The following ROBO2 variants were observed in gnomAD, a reference collection of about 807,000 sequenced individuals.
ROBO2 encodes the protein roundabout homolog 2.
A neutral mutation model predicts 160.8 loss-of-function variants in ROBO2; 53 were observed. The ratio of observed to expected loss-of-function variants is 0.33; its 90% CI spans 0.26 to 0.41. The LOEUF is 0.41. ROBO2 is among the 10% of genes least tolerant of loss of function. The pLI, the probability that ROBO2 is intolerant of heterozygous loss-of-function variation, is 1.00. For missense variants in ROBO2, 1,577 were observed against 1,722.4 expected (o/e 0.92, Z 1.49); for synonymous variants, 664 against 611.7 (o/e 1.09, Z -1.26).
At chr3:76,623,284 C>T (rs2089361228) in intron 2 of ROBO2, among the ~76,000 whole-genome samples, 1 of 152,126 alleles carries the variant, frequency 6.6e-6, no homozygotes, top group Non-Finnish European at 1.5e-5. Flanking sequence ...GAAGAGCTAT[C>T]TTGCCAATGT....
At chr3:75,983,460 T>C (rs2065332713) in intron 2 of ROBO2, among the ~76,000 whole-genome samples, 1 of 151,432 alleles carries the variant, frequency 6.6e-6, no homozygotes, top group Admixed American at 6.6e-5. Flanking sequence ...TTATGTGGTG[T>C]ACGTTTCTCT....
rs538234621 is a variant in ROBO2, at chr3:76,360,708, C to T, written c.109+423106C>T. 9.9e-5 allele frequency among the ~76,000 whole-genome samples: 15 copies of T among 152,100 alleles called. No homozygotes were observed. In the East Asian group the frequency reaches 1.9e-3, roughly 20 times the overall value. The stretch of plus-strand genomic sequence containing the variant: ...AGTCATATGATCTAGTTCTGGTCAA[C>T]GGGATATCGTTAGATGTCATTCGGT... On this transcript the variant is annotated intron_variant, in intron 2 of 26. Coordinates refer to the ROBO2 transcript ENST00000487694.
chr3:77,483,533 C>T (rs894057872), intron 4 of ROBO2, among the ~76,000 whole-genome samples: 9 of 151,572 alleles, frequency 5.9e-5, no homozygotes, highest in African/African-American at 2.2e-4. Context: ...ACTTCATACT[C>T]TACCTCCCTC....
rs570224894 is a variant in ROBO2, at chr3:76,762,953, C to A, written c.110-335061C>A. On this transcript the variant is annotated intron_variant, in intron 2 of 26. Transcript: ENST00000487694. ...ATTGTTCACGATGCCTGCTTGAAAT[C>A]CTTCATGTTACAATTTACAATATAA... 6.6e-5 allele frequency among the ~76,000 whole-genome samples: 10 copies of A among 151,772 alleles called. No homozygotes were observed. The South Asian group carries it at 1.9e-3, about 28-fold the overall frequency.
chr3:77,001,791 C>CT (rs975824234), intron 2 of ROBO2, among the ~76,000 whole-genome samples: 2 of 147,844 alleles, frequency 1.4e-5, no homozygotes, highest in Non-Finnish European at 3.0e-5. Context: ...TGAAGTTGTT[C>CT]TTTTATTTTT....
intron 1 of ROBO2, among the ~76,000 whole-genome samples, chr3:75,927,222 A>T (rs995494445): frequency 1.3e-5 from 2 of 152,176 alleles, no homozygotes; most frequent in South Asian, 2.1e-4. Flanking sequence ...AATTATACAT[A>T]AATCTATTTA....
intron 2 of ROBO2, among the ~76,000 whole-genome samples, chr3:76,289,228 G>A (rs890841205): frequency 2.6e-5 from 4 of 152,138 alleles, no homozygotes; most frequent in Admixed American, 6.5e-5. Context: ...GTTTTGATTT[G>A]CATTTCCCTG....
chr3:76,518,214 C>T (rs1428078726), intron 2 of ROBO2, among the ~76,000 whole-genome samples: 2 of 152,110 alleles, frequency 1.3e-5, no homozygotes, highest in African/African-American at 4.8e-5. Flanking sequence ...GGAAGCGCAC[C>T]AGTATGACCT....
chr3:77,199,648 A>T, intron 2 of ROBO2, among the ~76,000 whole-genome samples: 1 of 130,744 alleles, frequency 7.6e-6, no homozygotes. Context: ...TTTTTGTGAC[A>T]GATTCTCACT....
chr3:76,622,291 AAAGAAAGAAAGAAAGAAAG>A (rs2089260709), intron 2 of ROBO2, among the ~76,000 whole-genome samples: 2 of 65,750 alleles, frequency 3.0e-5, no homozygotes, highest in African/African-American at 1.2e-4. Context: ...AGAAAGAAAG[AAAGAAAGAAAGAAAGAAAG>A]AAAACATAGC....
At chr3:76,174,195 C>G (rs1177412547) in intron 2 of ROBO2, among the ~76,000 whole-genome samples, 3 of 152,078 alleles carry the variant, frequency 2.0e-5, no homozygotes, top group Admixed American at 2.0e-4. Context: ...CCTTTGCCTG[C>G]TTTTTGATGG....
intron 2 of ROBO2, among the ~76,000 whole-genome samples, chr3:76,825,130 C>T (rs924420697): frequency 6.6e-6 from 1 of 152,054 alleles, no homozygotes; most frequent in Non-Finnish European, 1.5e-5. Flanking sequence ...AAAAGAATAC[C>T]TTCCTCTTAC....
intron 2 of ROBO2, among the ~76,000 whole-genome samples, chr3:76,519,157 C>G (rs1348912180): frequency 2.0e-5 from 3 of 152,092 alleles, no homozygotes; most frequent in Admixed American, 6.6e-5. Flanking sequence ...GTTTCCAAAA[C>G]CTTATTACAT....
chr3:76,589,809 G>A (rs2086298275), intron 2 of ROBO2, among the ~76,000 whole-genome samples: 2 of 151,972 alleles, frequency 1.3e-5, no homozygotes, highest in Non-Finnish European at 2.9e-5. Flanking sequence ...ACCACCCAGA[G>A]CTGTAATCCA....
At chr3:77,132,424 A>C (rs1315802848) in intron 2 of ROBO2, among the ~76,000 whole-genome samples, 3 of 151,998 alleles carry the variant, frequency 2.0e-5, no homozygotes, top group African/African-American at 7.2e-5. Context: ...ATCAGATTTA[A>C]ATTTATCATT....
intron 2 of ROBO2, among the ~76,000 whole-genome samples, chr3:77,300,645 G>A (rs2062573845): frequency 6.6e-6 from 1 of 151,760 alleles, no homozygotes; most frequent in Admixed American, 6.6e-5. Flanking sequence ...TTCCCATTTA[G>A]GTGGTATTTC....
rs184839232 is a variant in ROBO2, at chr3:76,454,760, A to G, written c.109+517158A>G. The stretch of plus-strand genomic sequence containing the variant: ...ATTGAAAAAGCCTTTTATCACTATG[A>G]CAAGAGATGATCAACAATTTAGGAA... On this transcript the variant is annotated intron_variant, in intron 2 of 26. Coordinates refer to the ROBO2 transcript ENST00000487694. 7.0e-3 allele frequency among the ~76,000 whole-genome samples: 1,061 copies of G among 152,264 alleles called. 11 individuals are homozygous for G. The highest frequency in any genetic ancestry group is 0.024 in the African/African-American group (1,003 of 41,564).
intron 2 of ROBO2, among the ~76,000 whole-genome samples, chr3:76,741,928 CT>C (rs1245014905): frequency 4.0e-5 from 6 of 151,824 alleles, no homozygotes; most frequent in African/African-American, 1.2e-4. Context: ...ATAATGAGGC[CT>C]TTATAAGAGT....
At chr3:76,526,192 C>G (rs2081937238) in intron 2 of ROBO2, among the ~76,000 whole-genome samples, 1 of 152,044 alleles carries the variant, frequency 6.6e-6, no homozygotes, top group African/African-American at 2.4e-5. Context: ...GGGAATCAAC[C>G]TTAAGGTTAC....
Sources: gnomAD v4.1 joint callset for allele counts (sites outside exome capture counted in the v4.1 genomes callset) on GRCh38, gnomAD v4.1.1 for gene constraint, MANE v1.5 for transcripts, NCBI Gene and HGNC (gene_info 2026-07-23, HGNC 2026-07-21) for gene names.